Variants in SLC1A2 observed in about 807,000 individuals in gnomAD.
SLC1A2 encodes solute carrier family 1 member 2, also known as excitatory amino acid transporter 2.
A neutral mutation model predicts 48.8 loss-of-function variants in SLC1A2; 15 were observed. That is an observed-to-expected ratio of 0.31 (90% CI 0.21 to 0.47). The LOEUF (loss-of-function observed/expected upper bound fraction) is 0.47, where lower values mean the gene tolerates loss of function less well. SLC1A2 is among the 20% of genes least tolerant of loss of function. The pLI is 0.99. For synonymous variants in SLC1A2, 279 were observed against 272.6 expected (o/e 1.02, Z -0.23); for missense variants, 502 against 730.5 (o/e 0.69, Z 3.61).
At chr11:35,290,232 C>T (rs569384968) in intron 7 of SLC1A2, among the ~76,000 whole-genome samples, 5 of 152,298 alleles carry the variant, frequency 3.3e-5, no homozygotes, top group African/African-American at 1.2e-4. Flanking sequence ...AGGGGATCAT[C>T]ATACAACCTT....
At chr11:35,331,573 A>T (rs766511111) in intron 1 of SLC1A2, among the ~76,000 whole-genome samples, 1 of 151,756 alleles carries the variant, frequency 6.6e-6, no homozygotes, top group Admixed American at 6.6e-5. Context: ...TATATTTATC[A>T]CTCTGGTAGC....
chr11:35,362,984 A>T (rs1853730459), intron 1 of SLC1A2, among the ~76,000 whole-genome samples: 1 of 152,254 alleles, frequency 6.6e-6, no homozygotes, highest in African/African-American at 2.4e-5. Flanking sequence ...CTGATGAGGT[A>T]GCACTACTAT....
chr11:35,311,924 CGGGGG>C (rs1173512245), intron 4 of SLC1A2, among the ~76,000 whole-genome samples: 1 of 1,998 alleles, frequency 5.0e-4, no homozygotes, highest in African/African-American at 1.5e-3. Flanking sequence ...GAGAGAGAGG[CGGGGG>C]GGGGGGGTGG....
intron 3 of SLC1A2, 156 bp downstream of exon 3, chr11:35,314,867 T>G: frequency 1.9e-6 from 1 of 520,360 alleles, no homozygotes; most frequent in Non-Finnish European, 3.5e-6. Context: ...TCTTTAGGGT[T>G]GATTATCCTC....
chr11:35,408,188 T>C (rs768348989), intron 1 of SLC1A2, among the ~76,000 whole-genome samples: 8 of 152,214 alleles, frequency 5.3e-5, no homozygotes, highest in Non-Finnish European at 1.0e-4. Flanking sequence ...CTAAATATCC[T>C]TGGAATCTGG....
intron 1 of SLC1A2, among the ~76,000 whole-genome samples, chr11:35,336,173 G>A (rs1852624186): frequency 6.6e-6 from 1 of 151,648 alleles, no homozygotes; most frequent in South Asian, 2.1e-4. Context: ...CAGGGGGTGG[G>A]GTGGGTGGGG....
intron 1 of SLC1A2, among the ~76,000 whole-genome samples, chr11:35,369,768 C>T (rs374108733): frequency 7.2e-5 from 11 of 152,318 alleles, no homozygotes; most frequent in African/African-American, 2.2e-4. Context: ...TGATCATCAT[C>T]GTCAGCCCAG....
chr11:35,301,596 T>G lies in SLC1A2; in HGVS notation c.780A>C (p.Gly260=), dbSNP rs1019689122. ...IAFGIAMGKM[G]DQAKLMVDFF... ...AATCCACCATCAGCTTGGCCTGATC[T>G]CCCATCTTCCCCATAGCGATGCCAA... The change falls in exon 6 of 11, where the codon GGA becomes GGC. Residue 260 remains glycine, a synonymous_variant. Transcript: ENST00000278379. The G allele has an allele frequency of 1.9e-6, 3 of 1,613,680 alleles. No individual in the cohort carries two copies. Among genetic ancestry groups the G allele is most frequent in the Admixed American group, 1.7e-5 (1 of 60,002 alleles).
intron 1 of SLC1A2, among the ~76,000 whole-genome samples, chr11:35,326,870 A>T (rs922517634): frequency 6.6e-6 from 1 of 152,178 alleles, no homozygotes; most frequent in Non-Finnish European, 1.5e-5. Context: ...TAAGCCAGAA[A>T]CTCACGGAAA....
At chr11:35,329,964 CCTT>C (rs962589949) in intron 1 of SLC1A2, among the ~76,000 whole-genome samples, 16 of 152,172 alleles carry the variant, frequency 1.1e-4, no homozygotes, top group Admixed American at 5.2e-4. Flanking sequence ...TATTATTAGT[CCTT>C]CTTTATAGAT....
intron 1 of SLC1A2, chr11:35,323,009 A>G (rs1852125335): frequency 1.9e-6 from 1 of 519,552 alleles, no homozygotes; most frequent in Non-Finnish European, 3.4e-6. Flanking sequence ...TCTCTGACAG[A>G]TACCGTGTTG....
intron 1 of SLC1A2, among the ~76,000 whole-genome samples, chr11:35,357,839 C>A (rs1031601920): frequency 6.6e-6 from 1 of 152,072 alleles, no homozygotes; most frequent in African/African-American, 2.4e-5. Flanking sequence ...GGTTTAAGTT[C>A]TTTTTCTTTA....
intron 3 of SLC1A2, 127 bp downstream of exon 3, chr11:35,314,896 C>A: frequency 3.3e-6 from 2 of 605,338 alleles, no homozygotes; most frequent in Non-Finnish European, 5.8e-6. Flanking sequence ...GACGGGAAAA[C>A]CAAAGCTCTG....
intron 5 of SLC1A2, among the ~76,000 whole-genome samples, chr11:35,304,421 C>T (rs1851443662): frequency 6.6e-6 from 1 of 152,112 alleles, no homozygotes; most frequent in Non-Finnish European, 1.5e-5. Context: ...CTGAAAGGAA[C>T]ATAGATAGCT....
intron 1 of SLC1A2, among the ~76,000 whole-genome samples, chr11:35,396,544 T>C (rs1158784140): frequency 1.8e-3 from 268 of 150,842 alleles, no homozygotes; most frequent in Non-Finnish European, 2.9e-3. Flanking sequence ...TTCTTGTAAA[T>C]TTGTTTGAGT....
At chr11:35,374,711 G>A (rs1393326916) in intron 1 of SLC1A2, among the ~76,000 whole-genome samples, 1 of 151,838 alleles carries the variant, frequency 6.6e-6, no homozygotes, top group Non-Finnish European at 1.5e-5. Flanking sequence ...TTTTTTAAAT[G>A]TCCTGTGTCA....
chr11:35,298,675 G>T (rs1342322888), intron 6 of SLC1A2: 1 of 152,160 alleles, frequency 6.6e-6, no homozygotes, highest in Admixed American at 6.5e-5. Context: ...TACCTCCCAA[G>T]ATGATAATAA....
chr11:35,306,044 A>G, intron 5 of SLC1A2, 30 bp downstream of exon 5: 1 of 1,607,158 alleles, frequency 6.2e-7, no homozygotes, highest in Non-Finnish European at 8.5e-7. Flanking sequence ...TTGCCAGGGA[A>G]GCAGAATCCC....
At chr11:35,361,401 T>A (rs1050305006) in intron 1 of SLC1A2, among the ~76,000 whole-genome samples, 1 of 152,248 alleles carries the variant, frequency 6.6e-6, no homozygotes, top group African/African-American at 2.4e-5. Context: ...ATGGATTTAT[T>A]GATCCAAGGA....
Sources: allele counts gnomAD v4.1 joint callset (sites outside exome capture counted in the v4.1 genomes callset), GRCh38; gene constraint gnomAD v4.1.1; transcripts MANE v1.5; gene names NCBI Gene and HGNC (gene_info 2026-07-23, HGNC 2026-07-21).